Variants in MYOCD observed in about 807,000 individuals in gnomAD.
The protein encoded by MYOCD is myocardin.
Under a neutral mutation model 96.1 loss-of-function variants are expected in MYOCD, and 32 were observed. That is an observed-to-expected ratio of 0.33 (90% CI 0.25 to 0.45). MYOCD has a LOEUF of 0.45. Ranked by LOEUF, MYOCD falls within the 20% of genes least tolerant of loss-of-function variation. The pLI, the probability that MYOCD is intolerant of heterozygous loss-of-function variation, is 1.00. For synonymous variants in MYOCD, 469 were observed against 469.0 expected (o/e 1.00, Z 0.00); for missense variants, 1,133 against 1,200.6 (o/e 0.94, Z 0.83).
chr17:12,760,786 T>C, intron 13 of MYOCD, 79 bp downstream of exon 13: 1 of 1,154,398 alleles, frequency 8.7e-7, no homozygotes, highest in Non-Finnish European at 1.3e-6. Flanking sequence ...GGTACCAAGA[T>C]CAGATGCACA....
chr17:12,724,499 T>C lies in MYOCD; in HGVS notation c.415+1491T>C, dbSNP rs1385717720. Among the ~76,000 whole-genome samples the C allele has an allele frequency of 2.6e-5, 4 of 152,152 alleles. No homozygotes were observed. In the East Asian group the frequency reaches 7.7e-4, roughly 29 times the overall value. The stretch of plus-strand genomic sequence containing the variant: ...AGGTATCTCACATCCTTTTACCAGT[T>C]TGTCCTTCACTTTTTATTTTTTTAT... On this transcript the variant is annotated intron_variant, in intron 5 of 13. Coordinates refer to ENST00000425538, the MANE Select transcript of MYOCD (RefSeq NM_001146312.3).
intron 1 of MYOCD, chr17:12,704,846 T>C: frequency 3.0e-6 from 1 of 333,270 alleles, no homozygotes; most frequent in South Asian, 4.0e-5. Flanking sequence ...AATGACAGAG[T>C]GTAGAGAGAG....
At chr17:12,740,813 G>A (rs150353414) in intron 7 of MYOCD, among the ~76,000 whole-genome samples, 256 of 151,660 alleles carry the variant, frequency 1.7e-3, no homozygotes, top group Non-Finnish European at 2.7e-3. Flanking sequence ...ATCTCAGCTC[G>A]TCGCAACCTC....
rs182176264 is a variant in MYOCD, at chr17:12,740,230, C to G, written c.717+902C>G. 2.4e-3 allele frequency among the ~76,000 whole-genome samples: 365 copies of G among 152,252 alleles called. 1 individual carries two copies. The highest frequency in any genetic ancestry group is 3.7e-3 in the Non-Finnish European group (251 of 68,018). ...GATTACAGGCGTGAGCCACTGCGCC[C>G]GGCCCTTTAGTGGCGATTTCGGAGA... is the stretch of plus-strand genomic sequence containing the variant. On this transcript the variant is annotated intron_variant, in intron 7 of 13. Coordinates refer to ENST00000425538, the MANE Select transcript of MYOCD (RefSeq NM_001146312.3).
intron 4 of MYOCD, among the ~76,000 whole-genome samples, chr17:12,718,649 A>C (rs112038886): frequency 0.012 from 1,897 of 152,320 alleles, 45 homozygotes; most frequent in African/African-American, 0.044. Context: ...AGGGAAAAGA[A>C]AGAGGCCAAT....
intron 3 of MYOCD, 61 bp downstream of exon 3, chr17:12,715,635 A>C: frequency 1.5e-6 from 2 of 1,338,308 alleles, no homozygotes; most frequent in South Asian, 2.4e-5. Flanking sequence ...TCTGAATGCT[A>C]ATCCTTGGTG....
intron 9 of MYOCD, among the ~76,000 whole-genome samples, chr17:12,749,693 A>G (rs2032781061): frequency 6.9e-6 from 1 of 145,308 alleles, no homozygotes; most frequent in East Asian, 2.4e-4. Flanking sequence ...ATATGTGTAT[A>G]TATGTATACA....
At chr17:12,697,094 A>G (rs952215092) in intron 1 of MYOCD, among the ~76,000 whole-genome samples, 1 of 152,018 alleles carries the variant, frequency 6.6e-6, no homozygotes, top group African/African-American at 2.4e-5. Context: ...GTAGGGACAG[A>G]TACAGGATGT....
rs576893403 is a variant in MYOCD at position 12,765,566 on chromosome 17, A to G, written c.*1922A>G. ...ACATGTATGTATAATAGATATATAC[A>G]TATGTGTATATTATATCTGTGTGTG... On this transcript the variant is annotated 3_prime_UTR_variant, in exon 14 of 14. Transcript: ENST00000425538. The G allele has an allele frequency of 3.3e-5, 5 of 152,324 alleles. No individual in the cohort carries two copies. The highest frequency in any genetic ancestry group is 1.3e-4 in the Admixed American group (2 of 15,296). The allele number at this position is 152,324 out of a possible 1,614,324, so 9.4% of individuals were successfully genotyped here. A position where few individuals can be genotyped will look rare whatever the true frequency, so the allele number is the denominator to read the frequency against.
chr17:12,672,098 C>A (rs147622523), intron 1 of MYOCD: 40 of 152,214 alleles, frequency 2.6e-4, no homozygotes, highest in African/African-American at 8.4e-4. Flanking sequence ...GCTCTCTGGG[C>A]CTCTGTTTCC....
chr17:12,678,172 T>C (rs1180707232), intron 1 of MYOCD, among the ~76,000 whole-genome samples: 1 of 152,082 alleles, frequency 6.6e-6, no homozygotes, highest in Non-Finnish European at 1.5e-5. Flanking sequence ...ATTACAGGTG[T>C]GAGCCACCGC....
intron 1 of MYOCD, among the ~76,000 whole-genome samples, chr17:12,681,023 A>T (rs541706952): frequency 1.3e-5 from 2 of 152,314 alleles, no homozygotes; most frequent in African/African-American, 4.8e-5. Context: ...CAGTCCTCCC[A>T]TCCATAGAAG....
At chr17:12,758,321 T>G in intron 12 of MYOCD, 108 bp downstream of exon 12, 1 of 1,514,576 alleles carries the variant, frequency 6.6e-7, no homozygotes, top group East Asian at 2.3e-5. Context: ...ATTGAGTGTG[T>G]CATGTGCCAT....
In MYOCD at chr17:12,765,114, A is replaced by T. The variant is rs1485840376; in HGVS notation, c.*1470A>T. 6.6e-6 allele frequency: 1 copy of T among 152,194 alleles called. No homozygotes were observed. Among genetic ancestry groups the T allele is most frequent in the Non-Finnish European group, 1.5e-5 (1 of 68,042 alleles). The allele number at this position is 152,194 out of a possible 1,614,324, so 9.4% of individuals were successfully genotyped here. A position where few individuals can be genotyped will look rare whatever the true frequency, so the allele number is the denominator to read the frequency against. On this transcript the variant is annotated 3_prime_UTR_variant, in exon 14 of 14. Transcript: ENST00000425538. ...CATTGAAAACGATGGAAGGAAAAAG[A>T]CAATGGTCTAATGTGCATTCCTCAT...
At chr17:12,685,683 T>C (rs2030082092) in intron 1 of MYOCD, among the ~76,000 whole-genome samples, 1 of 152,218 alleles carries the variant, frequency 6.6e-6, no homozygotes, top group African/African-American at 2.4e-5. Context: ...ACTTGAAAAG[T>C]TGAAGGTTCA....
At chr17:12,759,088 C>A (rs1291049619) in intron 12 of MYOCD, among the ~76,000 whole-genome samples, 1 of 151,976 alleles carries the variant, frequency 6.6e-6, no homozygotes, top group Admixed American at 6.6e-5. Context: ...AATTAATGAT[C>A]CCCTATTTCA....
intron 7 of MYOCD, 124 bp from the exon 8 acceptor site, chr17:12,744,059 C>A: frequency 2.6e-6 from 3 of 1,161,674 alleles, no homozygotes; most frequent in Non-Finnish European, 3.7e-6. Context: ...CATGCCTTTG[C>A]TATATTATAT....
intron 9 of MYOCD, among the ~76,000 whole-genome samples, chr17:12,746,293 T>C (rs1183277761): frequency 2.0e-5 from 3 of 152,096 alleles, no homozygotes; most frequent in Admixed American, 6.5e-5. Context: ...AACTGGGAAA[T>C]TTGAAAAGAA....
At chr17:12,711,061 ACT>A (rs1388997028) in intron 2 of MYOCD, among the ~76,000 whole-genome samples, 3 of 152,196 alleles carry the variant, frequency 2.0e-5, no homozygotes, top group Non-Finnish European at 4.4e-5. Flanking sequence ...GGGAAAATGC[ACT>A]GTTTTCAGAC....
Sources: allele counts gnomAD v4.1 joint callset (sites outside exome capture counted in the v4.1 genomes callset), GRCh38; gene constraint gnomAD v4.1.1; transcripts MANE v1.5; gene names NCBI Gene and HGNC (gene_info 2026-07-23, HGNC 2026-07-21).